The following SMPDL3A variants were observed in gnomAD, a reference collection of about 807,000 sequenced individuals.
SMPDL3A encodes cyclic GMP-AMP phosphodiesterase SMPDL3A.
In SMPDL3A, 39 loss-of-function variants were observed where a neutral mutation model predicts 38.5. The ratio of observed to expected loss-of-function variants is 1.01; its 90% CI spans 0.78 to 1.32. The LOEUF (loss-of-function observed/expected upper bound fraction) is 1.32, where lower values mean the gene tolerates loss of function less well. SMPDL3A is among the 40% of genes most tolerant of loss of function. The probability of loss-of-function intolerance (pLI) is 0.00; values close to 1 mark genes in which losing one functional copy is unlikely to be tolerated. For synonymous variants in SMPDL3A, 180 were observed against 194.3 expected, an observed-to-expected ratio of 0.93 and a Z score of 0.61; for missense variants, 502 against 536.2, an observed-to-expected ratio of 0.94 and a Z score of 0.63.
At chr6:122,804,428 T>C (rs934564615) in intron 5 of SMPDL3A, among the ~76,000 whole-genome samples, 1 of 151,942 alleles carries the variant, frequency 6.6e-6, no homozygotes, top group South Asian at 2.1e-4. Context: ...CTCAGACTCC[T>C]AAGTAAGTGG....
In SMPDL3A at chr6:122,791,645, A is replaced by AAC. The variant is rs150055730; in HGVS notation, c.112+2197_112+2198dup. 6.2e-4 allele frequency among the ~76,000 whole-genome samples: 95 copies of AAC among 152,266 alleles called. No individual in the cohort carries two copies. In the East Asian group the frequency reaches 0.014, roughly 22 times the overall value. ...TTTGAGAGTTTTTCTAGATTTGCTG[A>AAC]ACACACACACATATTTTTGGAAGTC... On this transcript the variant is annotated intron_variant, in intron 1 of 7. Coordinates refer to ENST00000368440, the MANE Select transcript of SMPDL3A (RefSeq NM_006714.5).
chr6:122,798,440 T>C (rs1277031689), intron 3 of SMPDL3A, among the ~76,000 whole-genome samples: 2 of 152,176 alleles, frequency 1.3e-5, no homozygotes, highest in Non-Finnish European at 2.9e-5. Flanking sequence ...TAACCAGCCC[T>C]GCTTTCCACT....
chr6:122,796,034 C>A, intron 2 of SMPDL3A, 144 bp downstream of exon 2: 2 of 646,852 alleles, frequency 3.1e-6, no homozygotes, highest in Non-Finnish European at 5.2e-6. Context: ...AACTAATCAA[C>A]ATTATTAGAG....
intron 1 of SMPDL3A, among the ~76,000 whole-genome samples, chr6:122,793,031 T>C (rs1781127741): frequency 1.3e-5 from 2 of 152,234 alleles, no homozygotes; most frequent in South Asian, 4.1e-4. Flanking sequence ...TTTAGATCTG[T>C]TGCAGATGAT....
chr6:122,801,344 A>G lies in SMPDL3A; in HGVS notation c.506A>G (p.Asn169Ser), dbSNP rs1396370263. The G allele has an allele frequency of 6.2e-7, 1 of 1,613,702 alleles. No homozygotes were observed. The change falls in exon 4 of 8, where the codon AAT becomes AGT. Residue 169 changes from asparagine to serine, a missense_variant. Asn to Ser is a conservative substitution (Grantham distance 46). Coordinates refer to ENST00000368440, the MANE Select transcript of SMPDL3A (RefSeq NM_006714.5). ...CCTGTAGTCACCAGTAAAGTGTACA[A>G]TGCAGTAGCAAACCTCTGGAAACCA... Reference protein sequence around the residue: ...QLPVVTSKVYNAVANLWKPWL... With the variant: ...QLPVVTSKVYSAVANLWKPWL...
chr6:122,789,880 G>T (rs1781015148), intron 1 of SMPDL3A: 1 of 984,816 alleles, frequency 1.0e-6, no homozygotes, highest in Non-Finnish European at 1.2e-6. Flanking sequence ...GAATGGAGGG[G>T]GACTGCAGTT....
At chr6:122,808,974 G>A (rs1489181213) in intron 7 of SMPDL3A, 117 bp from the exon 8 acceptor site, 4 of 811,414 alleles carry the variant, frequency 4.9e-6, no homozygotes, top group African/African-American at 3.5e-5. Context: ...GATTACAGGC[G>A]TGAGCCACAG....
intron 7 of SMPDL3A, among the ~76,000 whole-genome samples, chr6:122,807,083 G>GT (rs1491362090): frequency 5.8e-5 from 2 of 34,686 alleles, no homozygotes; most frequent in African/African-American, 1.6e-4. Flanking sequence ...TGTAGAGATG[G>GT]GGGGGGGGGG....
At chr6:122,791,829 G>A (rs1040051106) in intron 1 of SMPDL3A, among the ~76,000 whole-genome samples, 10 of 152,104 alleles carry the variant, frequency 6.6e-5, no homozygotes, top group Non-Finnish European at 1.3e-4. Flanking sequence ...GAGTAGCTGG[G>A]ACTACAGGCG....
intron 3 of SMPDL3A, 172 bp downstream of exon 3, chr6:122,797,140 A>G: frequency 2.0e-6 from 1 of 489,838 alleles, no homozygotes; most frequent in Non-Finnish European, 3.6e-6. Context: ...GGGGACTGTA[A>G]AAGTAATCTT....
intron 5 of SMPDL3A, among the ~76,000 whole-genome samples, chr6:122,804,305 A>T (rs540374336): frequency 1.5e-4 from 17 of 114,344 alleles, no homozygotes; most frequent in South Asian, 5.6e-4. Flanking sequence ...TTAGTTTTAA[A>T]TTTTTTTTTT....
rs746333550 is a variant in SMPDL3A, at chr6:122,795,728, CAG to C, written c.166_167del (p.Asp56Ter). On this transcript the variant is annotated frameshift_variant, in exon 2 of 8. Coordinates refer to ENST00000368440, the MANE Select transcript of SMPDL3A (RefSeq NM_006714.5). LOFTEE classifies it high-confidence loss of function. Reference sequence around the variant, plus strand: ...CACTTAGACCCTACTTACCACATCACAGATGACCACACAAAAGTGTGTGCTTC... The same window carrying C: ...CACTTAGACCCTACTTACCACATCACATGACCACACAAAAGTGTGTGCTTC... The C allele has an allele frequency of 6.2e-7, 1 of 1,614,208 alleles. No individual in the cohort carries two copies. Among genetic ancestry groups the C allele is most frequent in the African/African-American group, 1.3e-5 (1 of 75,078 alleles).
intron 7 of SMPDL3A, among the ~76,000 whole-genome samples, chr6:122,807,256 T>C (rs1423546983): frequency 6.6e-6 from 1 of 152,160 alleles, no homozygotes; most frequent in Non-Finnish European, 1.5e-5. Context: ...CCCAGCACTT[T>C]GGGAGGCCGA....
At position 122,809,267 on chromosome 6, in the gene SMPDL3A, C is replaced by T; in HGVS notation, c.1221C>T (p.Tyr407=). The T allele has an allele frequency of 6.2e-7, 1 of 1,613,940 alleles. No homozygotes were observed. Among genetic ancestry groups the T allele is most frequent in the Non-Finnish European group, 8.5e-7 (1 of 1,179,838 alleles). Residue 407 remains tyrosine (Y), a synonymous_variant, in exon 8 of 8, where the codon TAC becomes TAT. Transcript: ENST00000368440. Reference sequence around the variant, plus strand: ...ACAGTAAGCAGTTTATAAAATACTACAATTACTTCTTTGTGAGTTATGACA... The same window carrying T: ...ACAGTAAGCAGTTTATAAAATACTATAATTACTTCTTTGTGAGTTATGACA... ...ILDSKQFIKY[Y]NYFFVSYDSS...
chr6:122,794,299 A>G (rs1781169037), intron 1 of SMPDL3A, among the ~76,000 whole-genome samples: 1 of 152,154 alleles, frequency 6.6e-6, no homozygotes, highest in Admixed American at 6.6e-5. Context: ...ATTACCTTCA[A>G]TAAAGGAAAC....
chr6:122,801,276 A>C (rs1781422122), intron 3 of SMPDL3A, 34 bp from the exon 4 acceptor site: 1 of 1,486,964 alleles, frequency 6.7e-7, no homozygotes, highest in East Asian at 2.3e-5. Flanking sequence ...TGTATCTTTA[A>C]ATTTCAATGG....
chr6:122,790,991 G>C (rs1322353975), intron 1 of SMPDL3A, among the ~76,000 whole-genome samples: 1 of 152,182 alleles, frequency 6.6e-6, no homozygotes, highest in African/African-American at 2.4e-5. Flanking sequence ...AAAGTCTGAA[G>C]TGTTACTGGA....
At chr6:122,791,842 C>G (rs1781087807) in intron 1 of SMPDL3A, among the ~76,000 whole-genome samples, 1 of 152,204 alleles carries the variant, frequency 6.6e-6, no homozygotes, top group South Asian at 2.1e-4. Context: ...TACAGGCGCC[C>G]GCCACCATGC....
intron 2 of SMPDL3A, among the ~76,000 whole-genome samples, chr6:122,796,428 C>T (rs1781250162): frequency 1.3e-5 from 2 of 152,098 alleles, no homozygotes; most frequent in African/African-American, 4.8e-5. Flanking sequence ...TCCCATTTTA[C>T]AGATGAGGAA....
Sources: allele counts gnomAD v4.1 joint callset (sites outside exome capture counted in the v4.1 genomes callset), GRCh38; gene constraint gnomAD v4.1.1; transcripts MANE v1.5; gene names NCBI Gene and HGNC (gene_info 2026-07-23, HGNC 2026-07-21).